CHCHD3: variants seen among roughly 807,000 people sequenced by gnomAD.
CHCHD3 encodes coiled-coil-helix-coiled-coil-helix domain containing 3.
Under a neutral mutation model 38.2 loss-of-function variants are expected in CHCHD3, and 20 were observed. That is an observed-to-expected ratio of 0.52 (90% CI 0.37 to 0.76). The LOEUF (loss-of-function observed/expected upper bound fraction) is 0.76, where lower values mean the gene tolerates loss of function less well. Ranked by LOEUF, CHCHD3 falls within the 30% of genes least tolerant of loss-of-function variation. CHCHD3 has a pLI of 0.00. For synonymous variants in CHCHD3, 82 were observed against 100.0 expected (o/e 0.82, Z 1.07); for missense variants, 245 against 279.2 (o/e 0.88, Z 0.87).
intron 4 of CHCHD3, among the ~76,000 whole-genome samples, chr7:132,916,233 T>G (rs1428217732): frequency 1.3e-5 from 2 of 152,338 alleles, no homozygotes; most frequent in East Asian, 3.9e-4. Flanking sequence ...CTAATTCCTT[T>G]ACTGTTGTCT....
At chr7:133,036,888 A>G (rs1238252094) in intron 2 of CHCHD3, among the ~76,000 whole-genome samples, 5 of 152,314 alleles carry the variant, frequency 3.3e-5, no homozygotes, top group Admixed American at 3.3e-4. Context: ...TATTCTTCAG[A>G]ATGTCAACAT....
intron 6 of CHCHD3, among the ~76,000 whole-genome samples, chr7:132,804,679 G>A (rs1806869778): frequency 6.6e-6 from 1 of 152,172 alleles, no homozygotes; most frequent in African/African-American, 2.4e-5. Flanking sequence ...TAAGTTTGTG[G>A]TGAGAGAGCG....
chr7:133,037,693 G>T (rs13244725), intron 2 of CHCHD3, among the ~76,000 whole-genome samples: 1 of 152,108 alleles, frequency 6.6e-6, no homozygotes, highest in Non-Finnish European at 1.5e-5. Context: ...CACACCTGTA[G>T]TCTCAGCTAC....
intron 4 of CHCHD3, among the ~76,000 whole-genome samples, chr7:132,907,877 G>A (rs1008145083): frequency 7.9e-5 from 12 of 152,024 alleles, no homozygotes; most frequent in African/African-American, 2.9e-4. Flanking sequence ...ATCTTCTAAA[G>A]GAAAGGTATA....
intron 6 of CHCHD3, among the ~76,000 whole-genome samples, chr7:132,835,228 C>T (rs908444592): frequency 7.9e-5 from 12 of 151,818 alleles, no homozygotes; most frequent in East Asian, 5.8e-4. Context: ...GCAATCCACC[C>T]GCCTCGGCCT....
At chr7:132,786,313 T>C (rs1806315865) in intron 7 of CHCHD3, among the ~76,000 whole-genome samples, 1 of 152,166 alleles carries the variant, frequency 6.6e-6, no homozygotes. Flanking sequence ...TGAGAGGGAA[T>C]CTCTTCATTA....
chr7:132,999,968 A>C (rs1344081102), intron 3 of CHCHD3, among the ~76,000 whole-genome samples: 1 of 152,230 alleles, frequency 6.6e-6, no homozygotes, highest in South Asian at 2.1e-4. Context: ...TTACCATCAA[A>C]TATAGTATCA....
chr7:132,858,720 C>G (rs1369517882), intron 5 of CHCHD3, among the ~76,000 whole-genome samples: 8 of 152,188 alleles, frequency 5.3e-5, no homozygotes, highest in Non-Finnish European at 7.3e-5. Context: ...CATATCCCAT[C>G]AAATCACTCT....
rs368591253 is a variant in CHCHD3, at chr7:133,044,807, A to C, written c.170-20180T>G. On this transcript the variant is annotated intron_variant, in intron 2 of 7. Transcript: ENST00000262570. ...CTGCAGGGCAGACTTGGGAGAGGGA[A>C]TCCAGGAAGCTGCATGGAAGCTCAC... Among the ~76,000 whole-genome samples, 30 of 152,370 alleles carry C rather than the reference A, an allele frequency of 2.0e-4. No homozygotes were observed. The East Asian group carries it at 2.9e-3, about 15-fold the overall frequency.
At chr7:132,959,879 C>T (rs1480621060) in intron 4 of CHCHD3, among the ~76,000 whole-genome samples, 1 of 152,092 alleles carries the variant, frequency 6.6e-6, no homozygotes, top group Non-Finnish European at 1.5e-5. Flanking sequence ...TACCCCCTTT[C>T]ATAAATCTTG....
Position 132,966,415 on chromosome 7 carries a change from C to T in CHCHD3, c.369+8754G>A, listed in dbSNP as rs754106823. On this transcript the variant is annotated intron_variant, in intron 4 of 7. Transcript: ENST00000262570. ...AGAACATCAAGAAACACAGAAAAAG[C>T]ATAACTCAGTGCCATTTAGGAATCA... Among the ~76,000 whole-genome samples, 112 of 152,244 alleles carry T rather than the reference C, an allele frequency of 7.4e-4. No homozygotes were observed. In the Middle Eastern group the frequency reaches 0.027, roughly 37 times the overall value.
intron 2 of CHCHD3, among the ~76,000 whole-genome samples, chr7:133,040,429 G>C (rs1480832725): frequency 6.6e-6 from 1 of 152,112 alleles, no homozygotes; most frequent in Non-Finnish European, 1.5e-5. Flanking sequence ...TACCCTTCCA[G>C]TACTGGGGTG....
chr7:133,007,006 C>T (rs1483242831), intron 3 of CHCHD3, among the ~76,000 whole-genome samples: 2 of 151,656 alleles, frequency 1.3e-5, no homozygotes, highest in East Asian at 1.9e-4. Context: ...AAATATTTAC[C>T]GTGGTTTTGT....
intron 6 of CHCHD3, among the ~76,000 whole-genome samples, chr7:132,818,052 G>T (rs889063842): frequency 6.6e-6 from 1 of 152,158 alleles, no homozygotes; most frequent in Admixed American, 6.5e-5. Context: ...ATGGAAAGTA[G>T]CAAGAGATGA....
At chr7:132,951,490 A>G (rs1264913931) in intron 4 of CHCHD3, among the ~76,000 whole-genome samples, 2 of 152,202 alleles carry the variant, frequency 1.3e-5, no homozygotes, top group African/African-American at 4.8e-5. Context: ...ACGAAGCCAT[A>G]TAACTACACT....
intron 2 of CHCHD3, among the ~76,000 whole-genome samples, chr7:133,053,585 C>T (rs964390742): frequency 2.0e-5 from 3 of 152,226 alleles, no homozygotes; most frequent in African/African-American, 4.8e-5. Context: ...GAACCACCCA[C>T]TTCCACTATT....
At chr7:132,968,377 T>C (rs888903929) in intron 4 of CHCHD3, among the ~76,000 whole-genome samples, 8 of 152,126 alleles carry the variant, frequency 5.3e-5, no homozygotes, top group African/African-American at 1.7e-4. Flanking sequence ...TTCTCACCAA[T>C]AACACTGAGA....
At chr7:132,813,251 C>A (rs1465504272) in intron 6 of CHCHD3, among the ~76,000 whole-genome samples, 2 of 152,162 alleles carry the variant, frequency 1.3e-5, no homozygotes, top group African/African-American at 2.4e-5. Context: ...AGAAGAGTGG[C>A]CAAACTACAC....
intron 4 of CHCHD3, among the ~76,000 whole-genome samples, chr7:132,951,582 G>C (rs1811037648): frequency 6.6e-6 from 1 of 152,116 alleles, no homozygotes; most frequent in Non-Finnish European, 1.5e-5. Context: ...TATGTAGTAG[G>C]ATATACCATC....
Sources: allele counts gnomAD v4.1 joint callset (sites outside exome capture counted in the v4.1 genomes callset), GRCh38; gene constraint gnomAD v4.1.1; transcripts MANE v1.5; gene names NCBI Gene and HGNC (gene_info 2026-07-23, HGNC 2026-07-21).